The following CNTNAP5 variants were observed in gnomAD, a reference collection of about 807,000 sequenced individuals.
CNTNAP5 encodes contactin associated protein family member 5.
CNTNAP5 carries 72 observed loss-of-function variants against 150.2 expected under a neutral mutation model. The ratio of observed to expected loss-of-function variants is 0.48; its 90% CI spans 0.40 to 0.58. The LOEUF is 0.58. Among genes scored for constraint, CNTNAP5 ranks in the 20% least tolerant of loss-of-function variants. The probability of loss-of-function intolerance (pLI) is 0.00; values close to 1 mark genes in which losing one functional copy is unlikely to be tolerated. For synonymous variants in CNTNAP5, 672 were observed against 619.8 expected (o/e 1.08, Z -1.25); for missense variants, 1,636 against 1,626.2 (o/e 1.01, Z -0.10).
intron 11 of CNTNAP5, among the ~76,000 whole-genome samples, chr2:124,595,923 C>A (rs1315096196): frequency 1.9e-5 from 2 of 104,720 alleles, no homozygotes; most frequent in South Asian, 4.6e-4. Context: ...AGTTTATTTG[C>A]GTAGAGGTGT....
At chr2:124,195,336 CT>C (rs1380830123) in intron 1 of CNTNAP5, among the ~76,000 whole-genome samples, 1 of 152,136 alleles carries the variant, frequency 6.6e-6, no homozygotes, top group Non-Finnish European at 1.5e-5. Flanking sequence ...CACTTTTGTG[CT>C]TTTAGAGGTG....
intron 1 of CNTNAP5, among the ~76,000 whole-genome samples, chr2:124,097,715 G>A (rs960940571): frequency 8.5e-5 from 13 of 152,190 alleles, no homozygotes; most frequent in African/African-American, 1.9e-4. Context: ...GCCCCAACCC[G>A]GTCAAAAATT....
At chr2:124,757,441 T>C (rs1267278953) in intron 14 of CNTNAP5, among the ~76,000 whole-genome samples, 2 of 152,136 alleles carry the variant, frequency 1.3e-5, no homozygotes, top group Non-Finnish European at 2.9e-5. Context: ...CACAGACTAA[T>C]GTGAGAAACA....
At chr2:124,485,077 T>C (rs1457376733) in intron 7 of CNTNAP5, among the ~76,000 whole-genome samples, 2 of 150,656 alleles carry the variant, frequency 1.3e-5, no homozygotes, top group Non-Finnish European at 1.5e-5. Flanking sequence ...TCAGAAGACA[T>C]CTCTATGTGT....
chr2:124,887,999 T>A (rs555026477), intron 21 of CNTNAP5, among the ~76,000 whole-genome samples: 250 of 152,282 alleles, frequency 1.6e-3, no homozygotes, highest in Admixed American at 5.9e-3. Flanking sequence ...AGAGGGTATA[T>A]GTGCAGGTTT....
intron 1 of CNTNAP5, among the ~76,000 whole-genome samples, chr2:124,210,827 G>C (rs1685988855): frequency 6.6e-6 from 1 of 151,994 alleles, no homozygotes; most frequent in Non-Finnish European, 1.5e-5. Flanking sequence ...ATGAGCTTGG[G>C]AGGCCCTATT....
intron 13 of CNTNAP5, among the ~76,000 whole-genome samples, chr2:124,674,524 T>TTTCC (rs1491200285): frequency 0.017 from 2,298 of 138,872 alleles, 71 homozygotes; most frequent in African/African-American, 0.059. Flanking sequence ...TCTTTCTTTC[T>TTTCC]TTCTTTCTTT....
At chr2:124,893,029 G>T (rs1678231132) in intron 21 of CNTNAP5, among the ~76,000 whole-genome samples, 1 of 152,036 alleles carries the variant, frequency 6.6e-6, no homozygotes, top group Admixed American at 6.6e-5. Context: ...AGGTTAATAA[G>T]TTCGGGGGGA....
intron 17 of CNTNAP5, among the ~76,000 whole-genome samples, chr2:124,777,695 C>A (rs1223405862): frequency 6.6e-6 from 1 of 151,128 alleles, no homozygotes; most frequent in African/African-American, 2.4e-5. Flanking sequence ...TCTACAACTT[C>A]TTCTGCTTTA....
intron 1 of CNTNAP5, among the ~76,000 whole-genome samples, chr2:124,047,732 G>A (rs1033732840): frequency 2.6e-5 from 4 of 152,172 alleles, no homozygotes; most frequent in African/African-American, 4.8e-5. Flanking sequence ...TCAAGGTACA[G>A]ACTCCTTACT....
intron 13 of CNTNAP5, among the ~76,000 whole-genome samples, chr2:124,656,020 A>AAGGAAGGAAGGAAGGG (rs1678447978): frequency 1.4e-5 from 2 of 146,322 alleles, no homozygotes; most frequent in South Asian, 2.3e-4. Flanking sequence ...GGAAGGAAGG[A>AAGGAAGGAAGGAAGGG]AGGGAGGGCA....
intron 3 of CNTNAP5, among the ~76,000 whole-genome samples, chr2:124,269,075 C>T (rs2104610310): frequency 6.6e-6 from 1 of 152,134 alleles, no homozygotes; most frequent in East Asian, 1.9e-4. Context: ...CCCCACCACC[C>T]ATCTAAGGGA....
chr2:124,665,437 G>A (rs1231679572), intron 13 of CNTNAP5, among the ~76,000 whole-genome samples: 1 of 152,304 alleles, frequency 6.6e-6, no homozygotes, highest in South Asian at 2.1e-4. Context: ...TCAAGCTAAT[G>A]TCAACATCAA....
At chr2:124,848,328 T>A (rs1159499185) in intron 19 of CNTNAP5, among the ~76,000 whole-genome samples, 1 of 152,192 alleles carries the variant, frequency 6.6e-6, no homozygotes, top group Admixed American at 6.6e-5. Context: ...TCCAATATCA[T>A]CCATGTTATT....
chr2:124,713,655 C>T (rs572632024), intron 13 of CNTNAP5, among the ~76,000 whole-genome samples: 7 of 152,088 alleles, frequency 4.6e-5, no homozygotes, highest in Non-Finnish European at 8.8e-5. Flanking sequence ...GGATTACAGG[C>T]GTGAGCCACC....
chr2:124,775,481 C>G (rs1338007788), intron 17 of CNTNAP5, among the ~76,000 whole-genome samples: 1 of 152,160 alleles, frequency 6.6e-6, no homozygotes, highest in East Asian at 1.9e-4. Flanking sequence ...GCTGAAGGAT[C>G]TTTCAATCAA....
At chr2:124,419,043 A>G (rs1004052057) in intron 4 of CNTNAP5, among the ~76,000 whole-genome samples, 3 of 145,598 alleles carry the variant, frequency 2.1e-5, no homozygotes, top group Non-Finnish European at 4.5e-5. Context: ...CTGAGGCAGG[A>G]GAATGGCGTG....
At chr2:124,479,205 G>A (rs1477648778) in intron 7 of CNTNAP5, among the ~76,000 whole-genome samples, 1 of 152,122 alleles carries the variant, frequency 6.6e-6, no homozygotes, top group Non-Finnish European at 1.5e-5. Context: ...CCATTGAAGT[G>A]TGTGTACAGT....
Position 124,162,309 on chromosome 2 carries a change from G to T in CNTNAP5, c.83-59396G>T, listed in dbSNP as rs138822432. 5.8e-3 allele frequency among the ~76,000 whole-genome samples: 890 copies of T among 152,226 alleles called. 4 individuals are homozygous for T. Among genetic ancestry groups the T allele is most frequent in the Non-Finnish European group, 8.3e-3 (565 of 68,002 alleles). On this transcript the variant is annotated intron_variant, in intron 1 of 23. Coordinates refer to ENST00000682447, the MANE Select transcript of CNTNAP5 (RefSeq NM_001367498.1). ...TTTAATTTATGACAGAGATTGTATT[G>T]ATTATTTATAGGTATTACTTCATTT...
Sources: gnomAD v4.1 joint callset for allele counts (sites outside exome capture counted in the v4.1 genomes callset) on GRCh38, gnomAD v4.1.1 for gene constraint, MANE v1.5 for transcripts, NCBI Gene and HGNC (gene_info 2026-07-23, HGNC 2026-07-21) for gene names.